SCGN: variants seen among roughly 807,000 people sequenced by gnomAD.
The protein encoded by SCGN is secretagogin.
Under a neutral mutation model 39.7 loss-of-function variants are expected in SCGN, and 30 were observed. That is an observed-to-expected ratio of 0.76 (90% CI 0.57 to 1.03). SCGN has a LOEUF of 1.03. SCGN is among the 50% of genes least tolerant of loss of function. The pLI is 0.00. For missense variants in SCGN, 353 were observed against 349.4 expected (o/e 1.01, Z -0.08); for synonymous variants, 106 against 114.1 (o/e 0.93, Z 0.45).
chr6:25,653,530 C>A (rs1760172587), intron 2 of SCGN, 78 bp downstream of exon 2: 2 of 1,028,984 alleles, frequency 1.9e-6, no homozygotes, highest in African/African-American at 1.6e-5. Context: ...TGATTGGTAC[C>A]TATTAATTCC....
At chr6:25,693,656 GATT>G (rs35794107) in intron 10 of SCGN, among the ~76,000 whole-genome samples, 42,882 of 150,902 alleles carry the variant, frequency 0.28, 6,921 homozygotes, top group East Asian at 0.67. Flanking sequence ...AGATAGGTAT[GATT>G]ATGTCAGATG....
At chr6:25,652,520 A>G (rs1362146110) in intron 1 of SCGN, 35 bp downstream of exon 1, 1 of 1,595,960 alleles carries the variant, frequency 6.3e-7, no homozygotes, top group South Asian at 1.1e-5. Flanking sequence ...ACTCAGGTGT[A>G]GACGTGGCTC....
chr6:25,688,687 A>G (rs568252366), intron 7 of SCGN, among the ~76,000 whole-genome samples: 1 of 151,170 alleles, frequency 6.6e-6, no homozygotes, highest in Non-Finnish European at 1.5e-5. Context: ...CTGTAGTCCC[A>G]GCTACTTGGG....
chr6:25,680,001 C>CAA (rs1759617660), intron 6 of SCGN, among the ~76,000 whole-genome samples: 2 of 152,106 alleles, frequency 1.3e-5, no homozygotes. Flanking sequence ...GCTTCTTAAA[C>CAA]AACCTACTTC....
intron 4 of SCGN, among the ~76,000 whole-genome samples, chr6:25,669,230 T>C (rs1467859185): frequency 3.3e-5 from 5 of 152,168 alleles, no homozygotes; most frequent in African/African-American, 1.2e-4. Flanking sequence ...TATATTTCCA[T>C]TCTGAGCTTT....
chr6:25,670,944 T>C (rs1759489702), intron 6 of SCGN, among the ~76,000 whole-genome samples: 1 of 152,222 alleles, frequency 6.6e-6, no homozygotes, highest in Non-Finnish European at 1.5e-5. Context: ...AGTGCTTCAT[T>C]CCTATCAAAA....
chr6:25,669,455 A>G, intron 4 of SCGN, 56 bp from the exon 5 acceptor site: 1 of 1,424,980 alleles, frequency 7.0e-7, no homozygotes, highest in Non-Finnish European at 9.9e-7. Context: ...TAGATACCAC[A>G]TAATTATTCC....
chr6:25,689,543 G>C lies in SCGN; in HGVS notation c.633+11G>C. Reference sequence around the variant, plus strand: ...GCCTACTATGATGTTGTAAGTGTGCGTCTTTATACTGTGCTGGCCATCTCT... The same window carrying C: ...GCCTACTATGATGTTGTAAGTGTGCCTCTTTATACTGTGCTGGCCATCTCT... On this transcript the variant is annotated intron_variant, in intron 9 of 10. Coordinates refer to ENST00000377961, the MANE Select transcript of SCGN (RefSeq NM_006998.4). 4 of 1,611,336 alleles carry C rather than the reference G, an allele frequency of 2.5e-6. No homozygotes were observed. The highest frequency in any genetic ancestry group is 3.4e-6 in the Non-Finnish European group (4 of 1,177,620).
At chr6:25,673,957 A>G (rs910734476) in intron 6 of SCGN, among the ~76,000 whole-genome samples, 9 of 152,304 alleles carry the variant, frequency 5.9e-5, no homozygotes, top group Middle Eastern at 3.4e-3. Flanking sequence ...AGCACATCAC[A>G]TGGCAAAAGC....
At chr6:25,682,104 C>A in intron 7 of SCGN, 98 bp downstream of exon 7, 1 of 871,990 alleles carries the variant, frequency 1.1e-6, no homozygotes, top group Non-Finnish European at 1.9e-6. Context: ...TCAAGCCTCA[C>A]CTGGAGTCTA....
intron 7 of SCGN, among the ~76,000 whole-genome samples, chr6:25,683,871 T>G (rs570984401): frequency 6.6e-6 from 1 of 152,316 alleles, no homozygotes; most frequent in South Asian, 2.1e-4. Flanking sequence ...TTTATGTAAG[T>G]AGTAAATTAT....
At chr6:25,670,118 C>G (rs201201205) in intron 6 of SCGN, 42 bp downstream of exon 6, 35 of 1,354,580 alleles carry the variant, frequency 2.6e-5, no homozygotes, top group South Asian at 3.5e-5. Flanking sequence ...GCAGCTCCCC[C>G]ACTCCCTCCC....
In SCGN at chr6:25,664,848, C is replaced by T. The variant is rs952685561; in HGVS notation, c.247-95C>T. ...ATCCTGGAAGATCTGAGCCCTTCTG[C>T]CCTGGAATATGCACCACCATGCCTT... On this transcript the variant is annotated intron_variant, in intron 3 of 10. Coordinates refer to ENST00000377961, the MANE Select transcript of SCGN (RefSeq NM_006998.4). The T allele has an allele frequency of 9.4e-6, 8 of 846,776 alleles. No individual in the cohort carries two copies. The African/African-American group carries it at 1.2e-4, about 12-fold the overall frequency. 52.5% of individuals were successfully genotyped at this position (846,776 alleles called of 1,614,324 possible).
chr6:25,692,274 T>C (rs1561770129), intron 10 of SCGN, among the ~76,000 whole-genome samples: 1 of 152,242 alleles, frequency 6.6e-6, no homozygotes, highest in Non-Finnish European at 1.5e-5. Context: ...CAATTATCTA[T>C]GGGATATTAA....
intron 4 of SCGN, among the ~76,000 whole-genome samples, chr6:25,665,672 G>A (rs915387507): frequency 6.6e-6 from 1 of 152,208 alleles, no homozygotes; most frequent in East Asian, 1.9e-4. Context: ...CAAGGCCAGA[G>A]CAGCAGATTC....
chr6:25,676,062 C>T (rs1187984783), intron 6 of SCGN, among the ~76,000 whole-genome samples: 2 of 152,208 alleles, frequency 1.3e-5, no homozygotes, highest in Non-Finnish European at 2.9e-5. Flanking sequence ...TTTCAAGTTG[C>T]TCAAGGCATG....
chr6:25,678,555 C>G lies in SCGN; in HGVS notation c.472-3396C>G, dbSNP rs139797801. Among the ~76,000 whole-genome samples the G allele has an allele frequency of 3.0e-3, 451 of 152,250 alleles. 4 individuals carry two copies. The highest frequency in any genetic ancestry group is 6.8e-3 in the Middle Eastern group (2 of 294). ...TGTGATCCTGTGCAAGTCACCACAC[C>G]TCTCTGTGCTTCTGACCTCAGCTGC... On this transcript the variant is annotated intron_variant, in intron 6 of 10. Coordinates refer to ENST00000377961, the MANE Select transcript of SCGN (RefSeq NM_006998.4).
In SCGN at chr6:25,689,536, A is replaced by G. The variant is rs1046507440; in HGVS notation, c.633+4A>G. On this transcript the variant is annotated splice_donor_region_variant and intron_variant, in intron 9 of 10. Transcript: ENST00000377961. ...AATCTTTGCCTACTATGATGTTGTA[A>G]GTGTGCGTCTTTATACTGTGCTGGC... is the stretch of plus-strand genomic sequence containing the variant. 11 of 1,612,990 alleles carry G rather than the reference A, an allele frequency of 6.8e-6. No homozygotes were observed. The highest frequency in any genetic ancestry group is 8.5e-6 in the Non-Finnish European group (10 of 1,179,028).
At chr6:25,681,748 G>C (rs1759639487) in intron 6 of SCGN, among the ~76,000 whole-genome samples, 1 of 152,214 alleles carries the variant, frequency 6.6e-6, no homozygotes, top group Non-Finnish European at 1.5e-5. Context: ...AGATTTAGGA[G>C]ATTTGGTTAC....
Sources: gnomAD v4.1 joint callset for allele counts (sites outside exome capture counted in the v4.1 genomes callset) on GRCh38, gnomAD v4.1.1 for gene constraint, MANE v1.5 for transcripts, NCBI Gene and HGNC (gene_info 2026-07-23, HGNC 2026-07-21) for gene names.